EPB41: variants seen among roughly 807,000 people sequenced by gnomAD.
EPB41 encodes protein 4.1.
EPB41 carries 65 observed loss-of-function variants against 108.0 expected under a neutral mutation model. That is an observed-to-expected ratio of 0.60 (90% CI 0.49 to 0.74). The LOEUF is 0.74. Among genes scored for constraint, EPB41 ranks in the 30% least tolerant of loss-of-function variants. The pLI, the probability that EPB41 is intolerant of heterozygous loss-of-function variation, is 0.00. For missense variants in EPB41, 875 were observed against 1,037.0 expected, an observed-to-expected ratio of 0.84 and a Z score of 2.15; for synonymous variants, 336 against 358.9, an observed-to-expected ratio of 0.94 and a Z score of 0.72.
At chr1:29,004,458 A>T (rs1469340584) in intron 4 of EPB41, among the ~76,000 whole-genome samples, 1 of 152,206 alleles carries the variant, frequency 6.6e-6, no homozygotes, top group African/African-American at 2.4e-5. Context: ...CAATGGAGTG[A>T]CTATTAAATA....
At chr1:29,071,196 C>G (rs971623554) in intron 16 of EPB41, 1 of 152,174 alleles carries the variant, frequency 6.6e-6, no homozygotes, top group African/African-American at 2.4e-5. Flanking sequence ...ACTTCTGTGG[C>G]CTTTTTATGA....
At chr1:28,960,805 G>A (rs2095179112) in intron 1 of EPB41, among the ~76,000 whole-genome samples, 1 of 151,860 alleles carries the variant, frequency 6.6e-6, no homozygotes, top group African/African-American at 2.4e-5. Flanking sequence ...GGCCGAGGCG[G>A]GTGGATCACC....
chr1:28,936,255 C>G (rs2094019979), intron 1 of EPB41, among the ~76,000 whole-genome samples: 1 of 152,086 alleles, frequency 6.6e-6, no homozygotes, highest in South Asian at 2.1e-4. Flanking sequence ...CCTATTTCTT[C>G]AGTTAGAGAT....
intron 19 of EPB41, among the ~76,000 whole-genome samples, chr1:29,114,247 T>C (rs1670135675): frequency 1.3e-5 from 2 of 152,156 alleles, no homozygotes; most frequent in African/African-American, 4.8e-5. Flanking sequence ...TCTTTAGCTT[T>C]TCTAAAGTAA....
intron 1 of EPB41, among the ~76,000 whole-genome samples, chr1:28,957,265 A>G (rs996177089): frequency 3.3e-5 from 5 of 152,270 alleles, no homozygotes; most frequent in East Asian, 1.9e-4. Context: ...GTTTTTAGGC[A>G]TCTTCATGGG....
intron 1 of EPB41, among the ~76,000 whole-genome samples, chr1:28,978,598 C>A (rs1053972561): frequency 6.6e-6 from 1 of 151,418 alleles, no homozygotes; most frequent in East Asian, 1.9e-4. Flanking sequence ...GTAAAATATT[C>A]TTTGGGGTAT....
intron 1 of EPB41, among the ~76,000 whole-genome samples, chr1:28,949,672 C>T (rs570147685): frequency 5.3e-5 from 8 of 151,572 alleles, no homozygotes; most frequent in Non-Finnish European, 8.8e-5. Context: ...GGTGCAATCT[C>T]GGATCACCAC....
At chr1:29,038,024 A>C (rs568585682) in intron 10 of EPB41, among the ~76,000 whole-genome samples, 7 of 152,282 alleles carry the variant, frequency 4.6e-5, no homozygotes. Context: ...CCCAGGCCTC[A>C]CGTCATTTCA....
intron 16 of EPB41, among the ~76,000 whole-genome samples, chr1:29,068,561 A>G (rs1431404122): frequency 6.6e-6 from 1 of 152,222 alleles, no homozygotes; most frequent in Non-Finnish European, 1.5e-5. Flanking sequence ...ATAAATAAGC[A>G]CTGTATTATG....
At position 29,115,801 on chromosome 1, in the gene EPB41, C is replaced by A. The variant is rs763754752; in HGVS notation, c.*4C>A. 20 of 1,612,964 alleles carry A rather than the reference C, an allele frequency of 1.2e-5. No homozygotes were observed. Among genetic ancestry groups the A allele is most frequent in the African/African-American group, 4.0e-5 (3 of 74,914 alleles). On this transcript the variant is annotated splice_region_variant and 3_prime_UTR_variant, in exon 20 of 21. Transcript: ENST00000343067. This position sits in a 1 kb window ranked among gnomAD's most constrained non-coding sequence, Gnocchi z 4.4. ...GACCGAGATTGCTGATGAGTGAGCT[C>A]AGGTACTGGGCGTTCCTGCTGGGGC... is the stretch of plus-strand genomic sequence containing the variant.
At chr1:28,957,121 GCATAGGC>G (rs774413295) in intron 1 of EPB41, among the ~76,000 whole-genome samples, 1 of 152,252 alleles carries the variant, frequency 6.6e-6, no homozygotes, top group Non-Finnish European at 1.5e-5. Context: ...GCTTAAGTTG[GCATAGGC>G]CATGTATCTT....
At chr1:29,090,130 G>A (rs1341151324) in intron 16 of EPB41, among the ~76,000 whole-genome samples, 1 of 152,034 alleles carries the variant, frequency 6.6e-6, no homozygotes, top group African/African-American at 2.4e-5. Flanking sequence ...TGGGCATGGT[G>A]GCACGCATCT....
intron 1 of EPB41, among the ~76,000 whole-genome samples, chr1:28,939,906 T>C (rs1234834346): frequency 1.3e-4 from 20 of 152,258 alleles, no homozygotes; most frequent in Admixed American, 1.3e-3. Flanking sequence ...GACAGGGCTC[T>C]GTGAAAATGG....
At chr1:28,959,874 A>T (rs1228419974) in intron 1 of EPB41, among the ~76,000 whole-genome samples, 1 of 150,804 alleles carries the variant, frequency 6.6e-6, no homozygotes, top group Non-Finnish European at 1.5e-5. Flanking sequence ...CATGGTTTTC[A>T]CCACGTTTGC....
chr1:28,987,202 A>C (rs1571985226), intron 1 of EPB41, among the ~76,000 whole-genome samples: 3 of 152,140 alleles, frequency 2.0e-5, no homozygotes, highest in Admixed American at 2.0e-4. Flanking sequence ...ATTTTAAGCT[A>C]CTCTCTCTGT....
chr1:29,036,625 T>C (rs967025343), intron 10 of EPB41, among the ~76,000 whole-genome samples: 2 of 151,904 alleles, frequency 1.3e-5, no homozygotes, highest in Non-Finnish European at 2.9e-5. Flanking sequence ...AAGCAATGCT[T>C]GACTACTTTT....
intron 1 of EPB41, among the ~76,000 whole-genome samples, chr1:28,921,104 G>A (rs762654741): frequency 1.3e-5 from 2 of 152,132 alleles, no homozygotes; most frequent in Non-Finnish European, 2.9e-5. Flanking sequence ...ATTTAAGCCT[G>A]TAACCCATAC....
rs1249596508 is a variant in EPB41 at position 29,067,420 on chromosome 1, T to C, written c.2184+2262T>C. Among the ~76,000 whole-genome samples the C allele has an allele frequency of 9.2e-5, 12 of 130,290 alleles. No homozygotes were observed. In the Admixed American group the frequency reaches 9.9e-4, roughly 11 times the overall value. The allele number at this position is 130,290 out of a possible 152,430, so 85.5% of individuals were successfully genotyped here. A position where few individuals can be genotyped will look rare whatever the true frequency, so the allele number is the denominator to read the frequency against. On this transcript the variant is annotated intron_variant, in intron 16 of 20. Transcript: ENST00000343067. ...CTGAGGCAGGAGAATGGCGTAAACC[T>C]GGGAGGCGGAGCTTGCAGTGAGCCG...
At chr1:29,034,706 A>T (rs1450826863) in intron 9 of EPB41, among the ~76,000 whole-genome samples, 1 of 152,150 alleles carries the variant, frequency 6.6e-6, no homozygotes, top group Admixed American at 6.5e-5. Context: ...GTATAAGAGG[A>T]ATCTAGATAA....
Sources: allele counts gnomAD v4.1 joint callset (sites outside exome capture counted in the v4.1 genomes callset), GRCh38; gene constraint gnomAD v4.1.1; non-coding constraint Gnocchi (gnomAD v3.1); transcripts MANE v1.5; gene names NCBI Gene and HGNC (gene_info 2026-07-23, HGNC 2026-07-21).